Variants in SUZ12 observed in about 807,000 individuals in gnomAD.
SUZ12 encodes polycomb protein SUZ12.
SUZ12 carries 17 observed loss-of-function variants against 87.3 expected under a neutral mutation model. The ratio of observed to expected loss-of-function variants is 0.19; its 90% CI spans 0.13 to 0.29. The LOEUF (loss-of-function observed/expected upper bound fraction) is 0.29, where lower values mean the gene tolerates loss of function less well. Ranked by LOEUF, SUZ12 falls within the 10% of genes least tolerant of loss-of-function variation. The pLI is 1.00. For synonymous variants in SUZ12, 253 were observed against 312.4 expected, an observed-to-expected ratio of 0.81 and a Z score of 2.01; for missense variants, 526 against 912.2, an observed-to-expected ratio of 0.58 and a Z score of 5.45.
At chr17:31,981,248 T>C (rs1175953197) in intron 8 of SUZ12, among the ~76,000 whole-genome samples, 1 of 152,222 alleles carries the variant, frequency 6.6e-6, no homozygotes, top group Admixed American at 6.5e-5. Context: ...AAACAGGTCA[T>C]ACTAATTTTA....
At chr17:31,985,610 G>A (rs1909361665) in intron 9 of SUZ12, among the ~76,000 whole-genome samples, 1 of 150,950 alleles carries the variant, frequency 6.6e-6, no homozygotes, top group African/African-American at 2.4e-5. Context: ...GAGACTATAA[G>A]GATTATATAT....
intron 3 of SUZ12, among the ~76,000 whole-genome samples, chr17:31,941,576 G>A (rs1310557469): frequency 1.4e-5 from 2 of 138,594 alleles, no homozygotes; most frequent in Non-Finnish European, 3.1e-5. Context: ...TTGAAACGGA[G>A]TCTCGCTCTG....
Position 31,969,752 on chromosome 17 carries a change from T to C in SUZ12, c.506-3394T>C, listed in dbSNP as rs185937480. Among the ~76,000 whole-genome samples the C allele has an allele frequency of 5.3e-5, 8 of 152,294 alleles. No individual in the cohort carries two copies. In the East Asian group the frequency reaches 1.5e-3, roughly 29 times the overall value. ...AACCAACATCAAGTTCTCTAAAATG[T>C]ACCAGGAGCAGTGATGCTTGCCTGT... On this transcript the variant is annotated intron_variant, in intron 5 of 15. Coordinates refer to ENST00000322652, the MANE Select transcript of SUZ12 (RefSeq NM_015355.4).
rs918380218 is a variant in SUZ12 at position 31,987,561 on chromosome 17, C to CA, written c.1024-749dup. 1.1e-3 allele frequency among the ~76,000 whole-genome samples: 162 copies of CA among 147,660 alleles called. 1 individual carries two copies. Among genetic ancestry groups the CA allele is most frequent in the African/African-American group, 3.3e-3 (131 of 40,300 alleles). ...ACTAATTGAAAAGCTGTTCAATTTA[C>CA]AAAAAAAAAAGTAATTGGTCACCTA... On this transcript the variant is annotated intron_variant, in intron 9 of 15. Transcript: ENST00000322652.
intron 4 of SUZ12, among the ~76,000 whole-genome samples, chr17:31,953,956 C>A (rs1907142078): frequency 6.6e-6 from 1 of 151,840 alleles, no homozygotes; most frequent in South Asian, 2.1e-4. Context: ...TTGTGATCCA[C>A]CTGCCTCAGC....
chr17:31,992,436 G>A (rs1381225657), intron 10 of SUZ12, among the ~76,000 whole-genome samples: 1 of 152,006 alleles, frequency 6.6e-6, no homozygotes, highest in Non-Finnish European at 1.5e-5. Flanking sequence ...TTTTGACAGA[G>A]TCTTCCTCAG....
intron 5 of SUZ12, among the ~76,000 whole-genome samples, chr17:31,969,546 C>T (rs568408487): frequency 5.3e-5 from 8 of 152,274 alleles, no homozygotes; most frequent in South Asian, 2.1e-4. Context: ...TCACCCACCT[C>T]GGCCTCCCAA....
chr17:31,950,047 A>G (rs7405565), intron 4 of SUZ12, among the ~76,000 whole-genome samples: 152,048 of 152,048 alleles, frequency 1, 76,024 homozygotes, highest in Non-Finnish European at 1. Flanking sequence ...GCAGGCTGGA[A>G]TGCAATGGCG....
intron 3 of SUZ12, among the ~76,000 whole-genome samples, chr17:31,941,732 G>A (rs1906300106): frequency 6.6e-6 from 1 of 151,642 alleles, no homozygotes; most frequent in Non-Finnish European, 1.5e-5. Flanking sequence ...TGTATTTTTG[G>A]TAGAGATGGG....
chr17:31,997,341 C>CT (rs992384507), intron 15 of SUZ12, among the ~76,000 whole-genome samples: 17 of 152,266 alleles, frequency 1.1e-4, no homozygotes, highest in African/African-American at 3.6e-4. Flanking sequence ...CTTGCAAACT[C>CT]TATCAGGGTT....
intron 10 of SUZ12, among the ~76,000 whole-genome samples, chr17:31,989,403 C>T (rs946056255): frequency 6.6e-6 from 1 of 151,924 alleles, no homozygotes; most frequent in African/African-American, 2.4e-5. Context: ...AAAATTGAAG[C>T]GTGATATGGT....
At chr17:31,979,392 TC>T (rs1908964972) in intron 8 of SUZ12, among the ~76,000 whole-genome samples, 1 of 152,148 alleles carries the variant, frequency 6.6e-6, no homozygotes, top group Non-Finnish European at 1.5e-5. Context: ...CAATACTATC[TC>T]CCCAGTTGAC....
intron 12 of SUZ12, 130 bp downstream of exon 12, chr17:31,994,138 A>AATC: frequency 1.2e-6 from 1 of 837,850 alleles, no homozygotes; most frequent in Non-Finnish European, 1.7e-6. Flanking sequence ...AGTACAAGAT[A>AATC]GCATGACTTT....
At chr17:31,988,845 C>T (rs1156573747) in intron 10 of SUZ12, among the ~76,000 whole-genome samples, 8 of 151,762 alleles carry the variant, frequency 5.3e-5, no homozygotes, top group South Asian at 2.1e-4. Flanking sequence ...CCGAGGCGGG[C>T]GGATCACAAG....
chr17:31,953,654 C>T (rs1453459414), intron 4 of SUZ12, among the ~76,000 whole-genome samples: 2 of 151,914 alleles, frequency 1.3e-5, no homozygotes, highest in Non-Finnish European at 2.9e-5. Context: ...GTGATCCTCC[C>T]ACCTCGACAT....
intron 10 of SUZ12, among the ~76,000 whole-genome samples, chr17:31,989,276 T>C (rs1284168802): frequency 1.3e-5 from 2 of 152,050 alleles, no homozygotes; most frequent in Non-Finnish European, 2.9e-5. Context: ...AGGTTATGAA[T>C]CATGGTAAAT....
Position 31,994,949 on chromosome 17 carries a change from A to G in SUZ12, c.1595+228A>G, listed in dbSNP as rs964398526. Among the ~76,000 whole-genome samples, 24 of 152,296 alleles carry G rather than the reference A, an allele frequency of 1.6e-4. No homozygotes were observed. In the East Asian group the frequency reaches 4.6e-3, roughly 29 times the overall value. ...TTTATACTTAAGTTTTAATGATGTT[A>G]ATGTCACTACTGCTGCAGTGGTTTG... On this transcript the variant is annotated intron_variant, in intron 13 of 15. Coordinates refer to ENST00000322652, the MANE Select transcript of SUZ12 (RefSeq NM_015355.4).
chr17:31,994,494 TTTAA>T, intron 12 of SUZ12, 66 bp from the exon 13 acceptor site: 1 of 1,358,266 alleles, frequency 7.4e-7, no homozygotes, highest in Non-Finnish European at 9.6e-7. Flanking sequence ...CCACAAATTC[TTTAA>T]TTAAATTGGA....
intron 10 of SUZ12, 43 bp from the exon 11 acceptor site, chr17:31,993,199 C>G: frequency 7.4e-7 from 1 of 1,352,826 alleles, no homozygotes; most frequent in East Asian, 2.5e-5. Flanking sequence ...TTTTGCTTTT[C>G]AAAAGCAATG....
Sources: allele counts gnomAD v4.1 joint callset (sites outside exome capture counted in the v4.1 genomes callset), GRCh38; gene constraint gnomAD v4.1.1; transcripts MANE v1.5; gene names NCBI Gene and HGNC (gene_info 2026-07-23, HGNC 2026-07-21).